Variants in RFX6 observed in about 807,000 individuals in gnomAD.
RFX6 encodes the protein DNA-binding protein RFX6.
In RFX6, 50 loss-of-function variants were observed where a neutral mutation model predicts 110.8. The observed-to-expected ratio is 0.45, with a 90% CI of 0.36 to 0.57. The LOEUF (loss-of-function observed/expected upper bound fraction) is 0.57, where lower values mean the gene tolerates loss of function less well. RFX6 is among the 20% of genes least tolerant of loss of function. The probability of loss-of-function intolerance (pLI) is 0.00; values close to 1 mark genes in which losing one functional copy is unlikely to be tolerated. For synonymous variants in RFX6, 383 were observed against 411.2 expected (o/e 0.93, Z 0.83); for missense variants, 990 against 1,127.0 (o/e 0.88, Z 1.74).
At chr6:116,890,764 C>A (rs934355878) in intron 4 of RFX6, among the ~76,000 whole-genome samples, 2 of 152,100 alleles carry the variant, frequency 1.3e-5, no homozygotes, top group East Asian at 3.9e-4. Flanking sequence ...AAAATACATA[C>A]ATTAATTAAA....
intron 12 of RFX6, among the ~76,000 whole-genome samples, chr6:116,920,756 C>T (rs1775578449): frequency 6.6e-6 from 1 of 151,842 alleles, no homozygotes; most frequent in African/African-American, 2.4e-5. Context: ...GTTATAATTA[C>T]TCACCATGGA....
chr6:116,928,339 G>C (rs1423758998), intron 17 of RFX6, among the ~76,000 whole-genome samples: 1 of 152,148 alleles, frequency 6.6e-6, no homozygotes. Flanking sequence ...GTGTAGGCCA[G>C]TCTTTGTCTT....
intron 13 of RFX6, 140 bp from the exon 14 acceptor site, chr6:116,922,967 A>AGAT (rs2114699837): frequency 2.8e-6 from 2 of 719,458 alleles, no homozygotes; most frequent in Admixed American, 3.8e-5. Flanking sequence ...TTCCCTGGAC[A>AGAT]GATAGTTTTA....
Position 116,925,461 on chromosome 6 carries a change from A to G in RFX6, c.1687A>G (p.Lys563Glu), listed in dbSNP as rs1443435992. The G allele has an allele frequency of 6.2e-7, 1 of 1,613,780 alleles. No homozygotes were observed. Among genetic ancestry groups the G allele is most frequent in the Non-Finnish European group, 8.5e-7 (1 of 1,179,612 alleles). ...TTAAAAACTCTTTCCAGATGCGAGT[A>G]AAGCTGCTTTCACTGCTTCTCCGAG... The part of the protein sequence containing the change: ...DKYMKNSDAS[K>E]AAFTASPSSC... The change falls in exon 16 of 19, where the codon AAA becomes GAA. Residue 563 changes from lysine (K) to glutamate (E), a missense_variant. Around this residue, in one of 5 missense-constraint regions of RFX6, gnomAD observed 89 missense variants for 140.3 expected, o/e 0.63. Coordinates refer to ENST00000332958, the MANE Select transcript of RFX6 (RefSeq NM_173560.4).
chr6:116,912,776 A>G (rs1451406008), intron 7 of RFX6, among the ~76,000 whole-genome samples: 2 of 152,190 alleles, frequency 1.3e-5, no homozygotes, highest in African/African-American at 4.8e-5. Flanking sequence ...GTTTACCTCA[A>G]TAGTTTGCTG....
intron 4 of RFX6, among the ~76,000 whole-genome samples, chr6:116,882,694 T>C (rs542061752): frequency 2.0e-5 from 3 of 152,268 alleles, no homozygotes; most frequent in Admixed American, 6.5e-5. Context: ...AAGCTGTTAC[T>C]GAAGGCACCA....
chr6:116,913,461 C>T (rs1261742911), intron 7 of RFX6, among the ~76,000 whole-genome samples: 1 of 152,168 alleles, frequency 6.6e-6, no homozygotes, highest in African/African-American at 2.4e-5. Flanking sequence ...CTCATAGTGT[C>T]TCTCGAGGCA....
rs996922851 is a variant in RFX6 at position 116,922,031 on chromosome 6, T to C, written c.1328-11T>C. 17 of 1,184,580 alleles carry C rather than the reference T, an allele frequency of 1.4e-5. 1 individual carries two copies. Among genetic ancestry groups the C allele is most frequent in the Non-Finnish European group, 2.1e-5 (17 of 798,146 alleles). 73.4% of individuals were successfully genotyped at this position (1,184,580 alleles called of 1,614,324 possible). On this transcript the variant is annotated splice_polypyrimidine_tract_variant and intron_variant, in intron 12 of 18. Coordinates refer to ENST00000332958, the MANE Select transcript of RFX6 (RefSeq NM_173560.4). Reference sequence around the variant, plus strand: ...TTTCTTTTCTTTCTTTTTTTTTTTTTTCCTGGGTAGATGACTCTATCACTG... The same window carrying C: ...TTTCTTTTCTTTCTTTTTTTTTTTTCTCCTGGGTAGATGACTCTATCACTG...
At chr6:116,883,742 A>G (rs1774642088) in intron 4 of RFX6, among the ~76,000 whole-genome samples, 1 of 152,102 alleles carries the variant, frequency 6.6e-6, no homozygotes, top group South Asian at 2.1e-4. Context: ...TCAGCTTTAG[A>G]CACTTGCAAA....
At chr6:116,899,822 A>G (rs550513735) in intron 6 of RFX6, among the ~76,000 whole-genome samples, 113 of 152,352 alleles carry the variant, frequency 7.4e-4, no homozygotes, top group African/African-American at 2.6e-3. Flanking sequence ...AGAAAAACAC[A>G]CACATTGGAA....
chr6:116,895,687 C>T (rs1774930887), intron 6 of RFX6, among the ~76,000 whole-genome samples: 1 of 150,966 alleles, frequency 6.6e-6, no homozygotes, highest in South Asian at 2.1e-4. Flanking sequence ...CGTATACAAT[C>T]TTTCTCCCTA....
intron 2 of RFX6, 22 bp downstream of exon 2, chr6:116,877,974 C>T: frequency 6.2e-7 from 1 of 1,610,556 alleles, no homozygotes; most frequent in Non-Finnish European, 8.5e-7. Context: ...CCGCAGGGTA[C>T]ACTGAAGCAC....
rs774396569 is a variant in RFX6, at chr6:116,925,592, A to T, written c.1818A>T (p.Gln606His). 6.8e-6 allele frequency: 11 copies of T among 1,613,930 alleles called. No homozygotes were observed. Among genetic ancestry groups the T allele is most frequent in the Non-Finnish European group, 9.3e-6 (11 of 1,179,928 alleles). The change falls in exon 16 of 19, where the codon CAA (glutamine) becomes CAT (histidine). Residue 606 changes from glutamine to histidine, a missense_variant. Around this residue, in one of 5 missense-constraint regions of RFX6, gnomAD observed 438 missense variants for 441.9 expected, o/e 0.99. Transcript: ENST00000332958. ...CCTATCTCCCTCTGCCATCCAGTCA[A>T]CCTGGAGGCCTAGGCCCTGCTCTGC... ...ETTYLPLPSSQPGGLGPALHQ... is the reference protein window; with the variant it reads ...ETTYLPLPSSHPGGLGPALHQ...
intron 11 of RFX6, 51 bp from the exon 12 acceptor site, chr6:116,920,259 G>C (rs776886882): frequency 6.9e-7 from 1 of 1,454,808 alleles, no homozygotes; most frequent in South Asian, 1.1e-5. Context: ...ATTTCTTCTA[G>C]ATACATTAGA....
chr6:116,915,073 G>C lies in RFX6; in HGVS notation c.781-935G>C, dbSNP rs568482614. 2.0e-5 allele frequency among the ~76,000 whole-genome samples: 3 copies of C among 152,196 alleles called. No homozygotes were observed. In the South Asian group the frequency reaches 6.2e-4, roughly 32 times the overall value. ...CAAACATTGCTTTTTTTCACGTAGA[G>C]TACATAACTGGCAACAGGTAGGGAA... On this transcript the variant is annotated intron_variant, in intron 7 of 18. Transcript: ENST00000332958.
At chr6:116,925,265 TA>T (rs1438545935) in intron 15 of RFX6, among the ~76,000 whole-genome samples, 187 bp from the exon 16 acceptor site, 2 of 151,996 alleles carry the variant, frequency 1.3e-5, no homozygotes, top group East Asian at 1.9e-4. Flanking sequence ...AATATGCAGC[TA>T]AAAAAAACCT....
At chr6:116,889,596 T>A (rs1486202539) in intron 4 of RFX6, among the ~76,000 whole-genome samples, 1 of 152,056 alleles carries the variant, frequency 6.6e-6, no homozygotes, top group Non-Finnish European at 1.5e-5. Flanking sequence ...GTATTCCCAA[T>A]GGAGAGTTCA....
chr6:116,884,713 C>G (rs925198368), intron 4 of RFX6: 27 of 152,048 alleles, frequency 1.8e-4, no homozygotes, highest in African/African-American at 9.7e-5. Flanking sequence ...TTTGAAGGAG[C>G]CTTTAGGATT....
chr6:116,925,313 C>T (rs1775686682), intron 15 of RFX6, 140 bp from the exon 16 acceptor site: 2 of 808,410 alleles, frequency 2.5e-6, no homozygotes, highest in South Asian at 2.9e-5. Context: ...GCCAACCTCA[C>T]TTCCCATGGG....
Sources: allele counts gnomAD v4.1 joint callset (sites outside exome capture counted in the v4.1 genomes callset), GRCh38; gene constraint gnomAD v4.1.1; regional missense constraint gnomAD v4.1.1; transcripts MANE v1.5; gene names NCBI Gene and HGNC (gene_info 2026-07-23, HGNC 2026-07-21).